Variants in WDR19 observed in about 807,000 individuals in gnomAD.
WDR19 encodes the protein WD repeat domain 19.
Under a neutral mutation model 180.0 loss-of-function variants are expected in WDR19, and 121 were observed. The observed-to-expected ratio is 0.67, with a 90% CI of 0.58 to 0.78. The LOEUF (loss-of-function observed/expected upper bound fraction) is 0.78. Among genes scored for constraint, WDR19 ranks in the 30% least tolerant of loss-of-function variants. The pLI is 0.00. For synonymous variants in WDR19, 497 were observed against 540.7 expected (o/e 0.92, Z 1.12); for missense variants, 1,450 against 1,640.7 (o/e 0.88, Z 2.01).
chr4:39,192,318 T>C (rs11737290), intron 4 of WDR19, among the ~76,000 whole-genome samples: 47,393 of 152,080 alleles, frequency 0.31, 7,495 homozygotes, highest in African/African-American at 0.35. Flanking sequence ...AAGAGATTTC[T>C]TACAGGAAAT....
chr4:39,214,871 C>T (rs1728904579), intron 10 of WDR19, among the ~76,000 whole-genome samples, 200 bp downstream of exon 10: 1 of 151,714 alleles, frequency 6.6e-6, no homozygotes, highest in Non-Finnish European at 1.5e-5. Context: ...CTCCCAGGCT[C>T]AAGCTATTCT....
chr4:39,228,605 A>C lies in WDR19; in HGVS notation c.1897A>C (p.Ser633Arg). 1 of 1,613,828 alleles carries C rather than the reference A, an allele frequency of 6.2e-7. No individual in the cohort carries two copies. The highest frequency in any genetic ancestry group is 8.5e-7 in the Non-Finnish European group (1 of 1,179,772). ...QSGKVNNIYL[S>R]THGFLSNLKD... ...TGGAAAAGTAAACAACATCTACCTT[A>C]GCACCCATGGCTTTCTCAGCAACTT... Residue 633 changes from serine (S) to arginine (R), a missense_variant, in exon 17 of 37, where the codon AGC becomes CGC. Ser to Arg is a moderately radical substitution (Grantham distance 110). Transcript: ENST00000399820.
intron 13 of WDR19, 111 bp from the exon 14 acceptor site, chr4:39,217,872 G>A (rs1396548892): frequency 1.4e-6 from 2 of 1,386,742 alleles, no homozygotes; most frequent in Non-Finnish European, 2.0e-6. Context: ...ACCTCTCGTA[G>A]TCTTGGGAGC....
chr4:39,251,857 A>G (rs911460482), intron 24 of WDR19, among the ~76,000 whole-genome samples: 7 of 152,070 alleles, frequency 4.6e-5, no homozygotes, highest in Non-Finnish European at 1.0e-4. Flanking sequence ...GTCAGGAAAC[A>G]ACAGGTGCTG....
chr4:39,204,752 T>A (rs1258824461), intron 7 of WDR19, among the ~76,000 whole-genome samples: 1 of 151,960 alleles, frequency 6.6e-6, no homozygotes, highest in Non-Finnish European at 1.5e-5. Flanking sequence ...TCCACAGGAG[T>A]GTGGACCTAT....
intron 28 of WDR19, among the ~76,000 whole-genome samples, chr4:39,262,473 T>G (rs1423531316): frequency 1.3e-5 from 2 of 152,144 alleles, no homozygotes; most frequent in Non-Finnish European, 2.9e-5. Flanking sequence ...ACTCCTAAGC[T>G]CAAGTGATCC....
intron 33 of WDR19, 58 bp downstream of exon 33, chr4:39,275,016 A>G: frequency 1.9e-6 from 3 of 1,587,042 alleles, no homozygotes; most frequent in Non-Finnish European, 2.6e-6. Context: ...ATTTCCAAAA[A>G]TGTAGCTGCC....
intron 21 of WDR19, among the ~76,000 whole-genome samples, chr4:39,241,791 G>C (rs1018062017): frequency 8.2e-6 from 1 of 121,248 alleles, no homozygotes; most frequent in African/African-American, 3.3e-5. Flanking sequence ...GGGAAACTCT[G>C]TCTCAAAAAA....
intron 4 of WDR19, among the ~76,000 whole-genome samples, chr4:39,193,025 G>A (rs572239396): frequency 9.9e-5 from 15 of 152,044 alleles, no homozygotes; most frequent in Non-Finnish European, 1.5e-4. Context: ...ACATTATTGC[G>A]GCTACAGCAT....
At chr4:39,274,704 G>T in intron 32 of WDR19, 104 bp from the exon 33 acceptor site, 1 of 1,380,032 alleles carries the variant, frequency 7.2e-7, no homozygotes, top group Non-Finnish European at 9.9e-7. Flanking sequence ...GCAAAGTTCA[G>T]AGACCATGAC....
intron 30 of WDR19, among the ~76,000 whole-genome samples, chr4:39,269,383 T>G (rs907185652): frequency 1.3e-5 from 2 of 152,070 alleles, no homozygotes; most frequent in Non-Finnish European, 2.9e-5. Flanking sequence ...GCATTCACAG[T>G]AGGCATGGGA....
chr4:39,266,493 A>C (rs1734809379), intron 29 of WDR19, among the ~76,000 whole-genome samples: 1 of 152,244 alleles, frequency 6.6e-6, no homozygotes, highest in African/African-American at 2.4e-5. Context: ...TGGGTTGGAC[A>C]AGTTGATCTA....
intron 29 of WDR19, among the ~76,000 whole-genome samples, chr4:39,267,053 A>G (rs1020332008): frequency 6.6e-6 from 1 of 152,258 alleles, no homozygotes; most frequent in Admixed American, 6.5e-5. Flanking sequence ...ACTGCACTCC[A>G]GCCTGGGCGA....
At chr4:39,278,708 C>A in intron 36 of WDR19, 45 bp downstream of exon 36, 1 of 1,206,766 alleles carries the variant, frequency 8.3e-7, no homozygotes, top group Non-Finnish European at 1.2e-6. Context: ...CAAGGGCCCA[C>A]AGCGTGCACG....
At chr4:39,260,576 A>G (rs899078566) in intron 28 of WDR19, among the ~76,000 whole-genome samples, 2 of 152,038 alleles carry the variant, frequency 1.3e-5, no homozygotes, top group Admixed American at 6.5e-5. Flanking sequence ...CCTTACATCA[A>G]ATGATCTGCC....
Position 39,266,129 on chromosome 4 carries a change from G to A in WDR19, c.3250G>A (p.Gly1084Ser), listed in dbSNP as rs16995209. 9,726 of 1,562,844 alleles carry A rather than the reference G, an allele frequency of 6.2e-3. 496 individuals carry two copies. In the African/African-American group the frequency reaches 0.11, roughly 18 times the overall value. ...AGACCATCTCCTGGGGGAGAACGAT[G>A]GCATGCCTAAGGTACTGAACACGTG... ...LIDHLLGEND[G>S]MPKDAKYLFR... Residue 1084 changes from glycine to serine, a missense_variant, in exon 29 of 37, where the codon GGC (glycine) becomes AGC (serine). Physicochemically the swap from Gly to Ser is moderately conservative, Grantham distance 56 (BLOSUM62 0). Coordinates refer to ENST00000399820, the MANE Select transcript of WDR19 (RefSeq NM_025132.4).
chr4:39,275,081 T>A, intron 33 of WDR19, 123 bp downstream of exon 33: 1 of 1,221,160 alleles, frequency 8.2e-7, no homozygotes, highest in Non-Finnish European at 1.2e-6. Context: ...GGCTCACACC[T>A]ATAATCCCAA....
intron 1 of WDR19, among the ~76,000 whole-genome samples, chr4:39,182,871 C>T (rs1725089580): frequency 6.6e-6 from 1 of 152,088 alleles, no homozygotes; most frequent in Admixed American, 6.5e-5. Flanking sequence ...TCTAAAGATA[C>T]CCCAGCTTCG....
At chr4:39,283,554 CTA>C (rs1259610601) in intron 36 of WDR19, among the ~76,000 whole-genome samples, 2 of 151,490 alleles carry the variant, frequency 1.3e-5, no homozygotes, top group African/African-American at 2.4e-5. Flanking sequence ...GACTTTTTAC[CTA>C]TGTTTTTACA....
Sources: allele counts gnomAD v4.1 joint callset (sites outside exome capture counted in the v4.1 genomes callset), GRCh38; gene constraint gnomAD v4.1.1; transcripts MANE v1.5; gene names NCBI Gene and HGNC (gene_info 2026-07-23, HGNC 2026-07-21).